The following RHCE variants were observed in gnomAD, a reference collection of about 807,000 sequenced individuals.
The protein encoded by RHCE is Rh blood group CcEe antigens, also known as blood group Rh(CE) polypeptide.
In RHCE, 22 loss-of-function variants were observed where a neutral mutation model predicts 43.8. The observed-to-expected ratio is 0.50, with a 90% CI of 0.36 to 0.72. The LOEUF (loss-of-function observed/expected upper bound fraction) is 0.72, where lower values mean the gene tolerates loss of function less well. RHCE is among the 30% of genes least tolerant of loss of function. The probability of loss-of-function intolerance (pLI) is 0.00; values close to 1 mark genes in which losing one functional copy is unlikely to be tolerated. For synonymous variants in RHCE, 156 were observed against 210.7 expected, an observed-to-expected ratio of 0.74 and a Z score of 2.25; for missense variants, 385 against 525.4, an observed-to-expected ratio of 0.73 and a Z score of 2.61.
chr1:25,378,117 A>G (rs1645842557), intron 7 of RHCE, among the ~76,000 whole-genome samples: 1 of 152,208 alleles, frequency 6.6e-6, no homozygotes, highest in South Asian at 2.1e-4. Flanking sequence ...ATCAAAATGT[A>G]AAAAATAGGT....
Position 25,399,092 on chromosome 1 carries a change from C to G in RHCE, c.486+3504G>C, listed in dbSNP as rs575637212. On this transcript the variant is annotated intron_variant, in intron 3 of 9. Coordinates refer to ENST00000294413, the MANE Select transcript of RHCE (RefSeq NM_020485.8). Reference sequence around the variant, plus strand: ...ATGGGGATGCCTCGCAGAAAGCTGCCAAGGCAGGGCTTTTGGCATTTTCAG... The same window carrying G: ...ATGGGGATGCCTCGCAGAAAGCTGCGAAGGCAGGGCTTTTGGCATTTTCAG... The G allele has an allele frequency of 5.9e-5, 94 of 1,592,998 alleles. 1 individual carries two copies. The African/African-American group carries it at 1.2e-3, about 20-fold the overall frequency.
At chr1:25,395,466 T>C (rs561038898) in intron 3 of RHCE, among the ~76,000 whole-genome samples, 7 of 152,316 alleles carry the variant, frequency 4.6e-5, no homozygotes, top group East Asian at 3.9e-4. Flanking sequence ...CTTCTCATAG[T>C]CAGTTCTAGT....
At chr1:25,369,560 A>C (rs1340694939) in intron 9 of RHCE, among the ~76,000 whole-genome samples, 1 of 151,222 alleles carries the variant, frequency 6.6e-6, no homozygotes. Context: ...TCACAACAAC[A>C]AATGCTACAA....
chr1:25,379,272 C>A (rs1200825498), intron 7 of RHCE, among the ~76,000 whole-genome samples: 1 of 151,402 alleles, frequency 6.6e-6, no homozygotes, highest in Non-Finnish European at 1.5e-5. Flanking sequence ...ACCCTGATGA[C>A]TTTATCTAAT....
intron 7 of RHCE, among the ~76,000 whole-genome samples, chr1:25,383,568 G>A (rs935536883): frequency 1.3e-5 from 2 of 152,158 alleles, no homozygotes; most frequent in African/African-American, 4.8e-5. Context: ...TTGAGTACCA[G>A]GACTAAGGCT....
chr1:25,395,893 A>T (rs2124448392), intron 3 of RHCE, among the ~76,000 whole-genome samples: 1 of 151,662 alleles, frequency 6.6e-6, no homozygotes, highest in African/African-American at 2.4e-5. Flanking sequence ...AGTGGGTGAA[A>T]GTTGGATGAT....
chr1:25,409,229 G>T lies in RHCE; in HGVS notation c.149-360C>A, dbSNP rs187942914. 8.2e-4 allele frequency among the ~76,000 whole-genome samples: 101 copies of T among 123,640 alleles called. 12 individuals carry two copies. Among genetic ancestry groups the T allele is most frequent in the African/African-American group, 2.4e-3 (97 of 39,712 alleles). The allele number at this position is 123,640 out of a possible 152,430, so 81.1% of individuals were successfully genotyped here. A position where few individuals can be genotyped will look rare whatever the true frequency, so the allele number is the denominator to read the frequency against. ...TGATGCACATGGACACTCAGTAAAGGTCATTGCTGCTGTTATTGCATATGA... is the reference window on the plus strand; with the variant it reads ...TGATGCACATGGACACTCAGTAAAGTTCATTGCTGCTGTTATTGCATATGA... On this transcript the variant is annotated intron_variant, in intron 1 of 9. Coordinates refer to ENST00000294413, the MANE Select transcript of RHCE (RefSeq NM_020485.8).
intron 3 of RHCE, among the ~76,000 whole-genome samples, chr1:25,402,234 A>C (rs1434103943): frequency 1.3e-5 from 2 of 151,510 alleles, no homozygotes; most frequent in Non-Finnish European, 2.9e-5. Flanking sequence ...CTATCTATCT[A>C]TCTATCTATC....
At position 25,388,998 on chromosome 1, in the gene RHCE, A is replaced by C. The variant is rs1382961972; in HGVS notation, c.917T>G (p.Ile306Ser). The change falls in exon 6 of 10, where the codon ATC (isoleucine) becomes AGC (serine). Residue 306 changes from isoleucine to serine, a missense_variant. Ile to Ser is a moderately radical substitution (Grantham distance 142, BLOSUM62 -2). This residue lies in a region of RHCE where 82 missense variants were observed against 69.2 expected (regional missense o/e 1.18). Transcript: ENST00000294413. ...TACCGGCAGGCACTTGGCTCCCCCG[A>C]TGGAGATCAGCCCAGCCACAAGACC... ...VLGLVAGLIS[I>S]GGAKCLPVCC... The C allele has an allele frequency of 2.5e-6, 4 of 1,614,220 alleles. No homozygotes were observed. Among genetic ancestry groups the C allele is most frequent in the Non-Finnish European group, 3.4e-6 (4 of 1,180,044 alleles).
chr1:25,414,698 T>A (rs1290684976), intron 1 of RHCE, among the ~76,000 whole-genome samples: 2 of 152,160 alleles, frequency 1.3e-5, no homozygotes, highest in Non-Finnish European at 2.9e-5. Flanking sequence ...AGTCTCCCAG[T>A]TTGGTAGCCT....
intron 8 of RHCE, among the ~76,000 whole-genome samples, chr1:25,374,155 C>A (rs1367185287): frequency 3.3e-5 from 5 of 151,102 alleles, no homozygotes; most frequent in Admixed American, 2.0e-4. Context: ...TAGACAGAGT[C>A]TCGGCCCACT....
intron 5 of RHCE, among the ~76,000 whole-genome samples, chr1:25,390,122 T>A (rs1217996886): frequency 6.6e-6 from 1 of 151,130 alleles, no homozygotes; most frequent in Non-Finnish European, 1.5e-5. Flanking sequence ...GCCCCCATCA[T>A]CATGAGAACT....
intron 1 of RHCE, among the ~76,000 whole-genome samples, chr1:25,416,153 C>T (rs556469342): frequency 3.9e-4 from 60 of 152,176 alleles, no homozygotes; most frequent in African/African-American, 1.4e-3. Flanking sequence ...AGTCTCCTAG[C>T]TTTGGAAGGT....
intron 7 of RHCE, among the ~76,000 whole-genome samples, chr1:25,383,834 GTCTCC>G (rs1321684481): frequency 6.6e-6 from 1 of 152,182 alleles, no homozygotes; most frequent in Non-Finnish European, 1.5e-5. Flanking sequence ...GTGCAGTGAC[GTCTCC>G]TTGATAGCTT....
chr1:25,429,500 G>T lies in RHCE; in HGVS notation c.-137+440C>A, dbSNP rs139485583. ...GCACTGGAAGACTAACTGCCCCATT[G>T]TCGTTGAGGGATTACACTGATAAAG... is the stretch of plus-strand genomic sequence containing the variant. On this transcript the variant is annotated intron_variant, in intron 1 of 11. Transcript: ENST00000349320. 2.9e-3 allele frequency among the ~76,000 whole-genome samples: 439 copies of T among 152,244 alleles called. 1 individual carries two copies. The highest frequency in any genetic ancestry group is 0.01 in the African/African-American group (422 of 41,544).
rs772095913 is a variant in RHCE, at chr1:25,362,394, T to G, written c.*133A>C. ...GTCTTTAATTTTTTAATATCAAATC[T>G]GTCTCTGACCTTGTTTCATTATACA... On this transcript the variant is annotated 3_prime_UTR_variant, in exon 10 of 10. Coordinates refer to ENST00000294413, the MANE Select transcript of RHCE (RefSeq NM_020485.8). 1 of 1,595,706 alleles carries G rather than the reference T, an allele frequency of 6.3e-7. No homozygotes were observed. Among genetic ancestry groups the G allele is most frequent in the African/African-American group, 1.3e-5 (1 of 74,096 alleles).
intron 1 of RHCE, among the ~76,000 whole-genome samples, chr1:25,413,546 G>A (rs546962992): frequency 3.3e-5 from 5 of 152,306 alleles, no homozygotes; most frequent in East Asian, 1.9e-4. Flanking sequence ...TACATTCTAC[G>A]GAAAGCCTTC....
intron 1 of RHCE, among the ~76,000 whole-genome samples, chr1:25,409,110 G>A (rs1309380098): frequency 8.1e-6 from 1 of 123,666 alleles, no homozygotes; most frequent in African/African-American, 2.5e-5. Flanking sequence ...TAAGCACTTA[G>A]GGCAGGGCCT....
chr1:25,376,051 A>G (rs1571838206), intron 7 of RHCE, among the ~76,000 whole-genome samples: 1 of 152,126 alleles, frequency 6.6e-6, no homozygotes. Flanking sequence ...TTGGCCTCCC[A>G]AATTGCTGGG....
Sources: allele counts gnomAD v4.1 joint callset (sites outside exome capture counted in the v4.1 genomes callset), GRCh38; gene constraint gnomAD v4.1.1; regional missense constraint gnomAD v4.1.1; transcripts MANE v1.5; gene names NCBI Gene and HGNC (gene_info 2026-07-23, HGNC 2026-07-21).